SLC20A2: variants seen among roughly 807,000 people sequenced by gnomAD.
SLC20A2 encodes the protein sodium-dependent phosphate transporter 2.
Under a neutral mutation model 61.0 loss-of-function variants are expected in SLC20A2, and 30 were observed. The observed-to-expected ratio is 0.49, with a 90% CI of 0.37 to 0.67. SLC20A2 has a LOEUF of 0.67. Ranked by LOEUF, SLC20A2 falls within the 30% of genes least tolerant of loss-of-function variation. The probability of loss-of-function intolerance (pLI) is 0.00; values close to 1 mark genes in which losing one functional copy is unlikely to be tolerated. For missense variants in SLC20A2, 626 were observed against 866.4 expected (o/e 0.72, Z 3.48); for synonymous variants, 351 against 353.3 (o/e 0.99, Z 0.07).
At chr8:42,424,861 C>A (rs1289383233) in intron 10 of SLC20A2, among the ~76,000 whole-genome samples, 1 of 152,138 alleles carries the variant, frequency 6.6e-6, no homozygotes, top group Non-Finnish European at 1.5e-5. Flanking sequence ...GCCTGGCTAA[C>A]ATGGAGAAAC....
At chr8:42,504,193 A>T (rs1379347958), upstream of SLC20A2, among the ~76,000 whole-genome samples, 2 of 152,234 alleles carry the variant, frequency 1.3e-5, no homozygotes, top group African/African-American at 4.8e-5. Flanking sequence ...CTTCCACCTC[A>T]GCCTCCCAAA....
intron 1 of SLC20A2, among the ~76,000 whole-genome samples, chr8:42,513,723 G>A (rs1480185262): frequency 6.6e-6 from 1 of 152,098 alleles, no homozygotes; most frequent in Non-Finnish European, 1.5e-5. Flanking sequence ...ATCTTATCTT[G>A]CAAGAGTTCA....
chr8:42,522,423 G>A lies in SLC20A2; in HGVS notation c.-265+19398C>T, dbSNP rs1426044973. 1.6e-5 allele frequency among the ~76,000 whole-genome samples: 2 copies of A among 122,152 alleles called. 1 individual carries two copies. The allele number at this position is 122,152 out of a possible 152,430, so 80.1% of individuals were successfully genotyped here. A position where few individuals can be genotyped will look rare whatever the true frequency, so the allele number is the denominator to read the frequency against. On this transcript the variant is annotated intron_variant, in intron 1 of 10. Transcript: ENST00000342228. ...TGGCCAGGCATGGTGGCTCACGCCTGTAATCCTACCACTTTGGGGGGCCGA... is the reference window on the plus strand; with the variant it reads ...TGGCCAGGCATGGTGGCTCACGCCTATAATCCTACCACTTTGGGGGGCCGA...
intron 1 of SLC20A2, among the ~76,000 whole-genome samples, chr8:42,524,496 T>C (rs1221312340): frequency 1.3e-5 from 2 of 152,080 alleles, no homozygotes; most frequent in Admixed American, 6.6e-5. Context: ...ATATAAAATA[T>C]ACCCATGCAG....
intron 1 of SLC20A2, among the ~76,000 whole-genome samples, chr8:42,473,694 T>C (rs1253306846): frequency 2.0e-5 from 3 of 152,162 alleles, no homozygotes; most frequent in African/African-American, 7.2e-5. Flanking sequence ...ATTCTATTAT[T>C]GGAGAGCCAA....
chr8:42,443,239 TATA>T (rs200416108), intron 6 of SLC20A2, among the ~76,000 whole-genome samples: 1,801 of 138,262 alleles, frequency 0.013, 62 homozygotes, highest in African/African-American at 0.046. Context: ...ATTACAGTAC[TATA>T]ATAATACAAT....
At chr8:42,421,712 G>A (rs1387154591) in intron 10 of SLC20A2, among the ~76,000 whole-genome samples, 1 of 152,162 alleles carries the variant, frequency 6.6e-6, no homozygotes, top group East Asian at 1.9e-4. Context: ...GCTGAGGCAG[G>A]AGAATTGCTT....
chr8:42,508,954 G>A (rs914129962), intron 1 of SLC20A2, among the ~76,000 whole-genome samples: 1 of 152,190 alleles, frequency 6.6e-6, no homozygotes, highest in African/African-American at 2.4e-5. Context: ...TCAAATGCCA[G>A]CTTCATCACT....
intron 1 of SLC20A2, among the ~76,000 whole-genome samples, chr8:42,528,315 A>G (rs752123801): frequency 1.3e-5 from 2 of 152,088 alleles, no homozygotes; most frequent in Non-Finnish European, 2.9e-5. Context: ...CAAAAAAGTT[A>G]GCCGGGCGTA....
chr8:42,511,122 T>C (rs2131374063), intron 1 of SLC20A2, among the ~76,000 whole-genome samples: 1 of 152,208 alleles, frequency 6.6e-6, no homozygotes, highest in East Asian at 1.9e-4. Flanking sequence ...CTGTGAATAA[T>C]TTCAAGTCCA....
At chr8:42,503,261 T>C (rs149047844), upstream of SLC20A2, among the ~76,000 whole-genome samples, 888 of 152,354 alleles carry the variant, frequency 5.8e-3, 7 homozygotes, top group African/African-American at 0.016. Flanking sequence ...GTTCTAGGTA[T>C]ACTTATGACA....
At chr8:42,495,336 G>A (rs1287718993) in intron 1 of SLC20A2, among the ~76,000 whole-genome samples, 1 of 152,198 alleles carries the variant, frequency 6.6e-6, no homozygotes, top group Non-Finnish European at 1.5e-5. Context: ...CACTTGGAAT[G>A]TTCCCTACTG....
intron 4 of SLC20A2, among the ~76,000 whole-genome samples, chr8:42,460,356 T>G (rs1035349255): frequency 2.0e-5 from 3 of 152,208 alleles, no homozygotes; most frequent in African/African-American, 7.2e-5. Flanking sequence ...AAACCCATAG[T>G]GCTCACTACA....
At chr8:42,462,269 G>A (rs1401500915) in intron 4 of SLC20A2, among the ~76,000 whole-genome samples, 1 of 152,178 alleles carries the variant, frequency 6.6e-6, no homozygotes, top group Non-Finnish European at 1.5e-5. Context: ...GAAACGGTGA[G>A]GGCAAGTTGG....
rs138387549 is a variant in SLC20A2, at chr8:42,524,786, C to CAAATAAAT, written c.-265+17027_-265+17034dup. On this transcript the variant is annotated intron_variant, in intron 1 of 10. Transcript: ENST00000342228. ...AAGCAACAAGAGCAAAACTCCATCT[C>CAAATAAAT]AAATAAATAAATAAATAAATAAATA... Among the ~76,000 whole-genome samples the CAAATAAAT allele has an allele frequency of 8.5e-3, 1,261 of 147,722 alleles. 9 individuals are homozygous for CAAATAAAT. Among genetic ancestry groups the CAAATAAAT allele is most frequent in the African/African-American group, 0.02 (817 of 40,196 alleles).
intron 1 of SLC20A2, among the ~76,000 whole-genome samples, chr8:42,488,144 T>C (rs1428105480): frequency 1.3e-5 from 2 of 152,032 alleles, no homozygotes; most frequent in Non-Finnish European, 2.9e-5. Flanking sequence ...CAGTGGACAT[T>C]TGTGCTGTGA....
intron 10 of SLC20A2, among the ~76,000 whole-genome samples, chr8:42,420,695 G>C (rs894719938): frequency 1.3e-5 from 2 of 152,004 alleles, no homozygotes; most frequent in Non-Finnish European, 2.9e-5. Flanking sequence ...AAAAATTATT[G>C]TGGTAAGATA....
intron 5 of SLC20A2, among the ~76,000 whole-genome samples, chr8:42,448,581 C>T (rs750521744): frequency 2.6e-5 from 4 of 152,174 alleles, no homozygotes; most frequent in South Asian, 2.1e-4. Flanking sequence ...GCACCTTTGC[C>T]GTCACACCTG....
rs372324166 is a variant in SLC20A2 at position 42,462,884 on chromosome 8, G to T, written c.516+121C>A. 20 of 560,924 alleles carry T rather than the reference G, an allele frequency of 3.6e-5. No individual in the cohort carries two copies. In the South Asian group the frequency reaches 3.6e-4, roughly 10 times the overall value. 34.7% of individuals were successfully genotyped at this position (560,924 alleles called of 1,614,324 possible). Reference sequence around the variant, plus strand: ...AATAACATCTGACGCTAACTGCAGGGTGCTGTGCCTTGACAATGTATGAAT... The same window carrying T: ...AATAACATCTGACGCTAACTGCAGGTTGCTGTGCCTTGACAATGTATGAAT... On this transcript the variant is annotated intron_variant, in intron 4 of 10. Transcript: ENST00000520262.
Sources: gnomAD v4.1 joint callset for allele counts (sites outside exome capture counted in the v4.1 genomes callset) on GRCh38, gnomAD v4.1.1 for gene constraint, MANE v1.5 for transcripts, NCBI Gene and HGNC (gene_info 2026-07-23, HGNC 2026-07-21) for gene names.